The following MEF2A variants were observed in gnomAD, a reference collection of about 807,000 sequenced individuals.
MEF2A encodes myocyte-specific enhancer factor 2A.
MEF2A carries 28 observed loss-of-function variants against 55.8 expected under a neutral mutation model. The observed-to-expected ratio is 0.50, with a 90% confidence interval of 0.37 to 0.69. The LOEUF is 0.69. Among genes scored for constraint, MEF2A ranks in the 30% least tolerant of loss-of-function variants. MEF2A has a pLI of 0.00. For synonymous variants in MEF2A, 239 were observed against 227.1 expected (o/e 1.05, Z -0.47); for missense variants, 528 against 626.2 (o/e 0.84, Z 1.67).
chr15:99,651,794 C>T (rs1202925999), intron 4 of MEF2A, among the ~76,000 whole-genome samples: 1 of 152,188 alleles, frequency 6.6e-6, no homozygotes, highest in Non-Finnish European at 1.5e-5. Flanking sequence ...CTACACGTCT[C>T]TAAGTGTGGT....
intron 8 of MEF2A, among the ~76,000 whole-genome samples, chr15:99,695,541 T>TGTG (rs1555498137): frequency 6.9e-6 from 1 of 144,778 alleles, no homozygotes; most frequent in Non-Finnish European, 1.5e-5. Flanking sequence ...ATTGTCAGAT[T>TGTG]TGTGTGTGTG....
chr15:99,634,476 G>T (rs2043430215), intron 3 of MEF2A, among the ~76,000 whole-genome samples: 1 of 152,032 alleles, frequency 6.6e-6, no homozygotes, highest in South Asian at 2.1e-4. Flanking sequence ...GGAGGCATAG[G>T]GACCTGCTTC....
At position 99,644,141 on chromosome 15, in the gene MEF2A, T is replaced by C. The variant is rs145961097; in HGVS notation, c.55-1420T>C. Among the ~76,000 whole-genome samples, 805 of 152,304 alleles carry C rather than the reference T, an allele frequency of 5.3e-3. 2 individuals carry two copies. The highest frequency in any genetic ancestry group is 7.2e-3 in the Non-Finnish European group (492 of 68,022). ...TATTGTGCTTTGTGCACTTGACAAA[T>C]ACAGAGAAAACATAAGGTTTTGAGA... On this transcript the variant is annotated intron_variant, in intron 3 of 11. Transcript: ENST00000557942.
chr15:99,636,512 A>G (rs916304327), intron 3 of MEF2A, among the ~76,000 whole-genome samples: 12 of 152,070 alleles, frequency 7.9e-5, no homozygotes, highest in Non-Finnish European at 1.8e-4. Context: ...GGGCCGACCC[A>G]TTCTTTTATT....
chr15:99,615,894 A>G (rs1369320602), intron 2 of MEF2A, among the ~76,000 whole-genome samples: 1 of 152,222 alleles, frequency 6.6e-6, no homozygotes, highest in East Asian at 1.9e-4. Context: ...TTTAAAAATG[A>G]AGAAACTGTG....
At chr15:99,578,126 C>G (rs937719166) in intron 1 of MEF2A, among the ~76,000 whole-genome samples, 2 of 152,220 alleles carry the variant, frequency 1.3e-5, no homozygotes, top group East Asian at 1.9e-4. Context: ...CCATTCACTT[C>G]AGCATTCATT....
At chr15:99,710,791 T>G (rs2058558662) in intron 11 of MEF2A, 31 bp downstream of exon 11, 1 of 1,587,108 alleles carries the variant, frequency 6.3e-7, no homozygotes, top group South Asian at 1.1e-5. Flanking sequence ...CCTGCATCTT[T>G]ACTCCTGGCC....
Position 99,674,249 on chromosome 15 carries a change from G to A in MEF2A, c.391-144G>A, listed in dbSNP as rs2051455315. The A allele has an allele frequency of 1.2e-5, 8 of 649,238 alleles. No individual in the cohort carries two copies. The South Asian group carries it at 1.7e-4, about 14-fold the overall frequency. The allele number at this position is 649,238 out of a possible 1,614,324, so 40.2% of individuals were successfully genotyped here. ...TTCAAACATAATTCTAAAGAAAATA[G>A]CTTTAATCTGTAAATTGGTTAAGAA... On this transcript the variant is annotated intron_variant, in intron 5 of 11. Coordinates refer to ENST00000557942, the MANE Select transcript of MEF2A (RefSeq NM_001319206.4).
chr15:99,669,271 C>T (rs960575370), intron 4 of MEF2A, among the ~76,000 whole-genome samples: 12 of 152,270 alleles, frequency 7.9e-5, no homozygotes, highest in Non-Finnish European at 1.8e-4. Flanking sequence ...GGGGAAATAT[C>T]AGAGATTTAG....
chr15:99,699,927 G>A (rs2057120242), intron 8 of MEF2A, among the ~76,000 whole-genome samples: 3 of 150,644 alleles, frequency 2.0e-5, no homozygotes, highest in Non-Finnish European at 3.0e-5. Context: ...CAGGGTTATA[G>A]TTGAAGGATT....
At chr15:99,579,771 G>A (rs944606550) in intron 1 of MEF2A, among the ~76,000 whole-genome samples, 25 of 152,128 alleles carry the variant, frequency 1.6e-4, no homozygotes, top group African/African-American at 5.3e-4. Flanking sequence ...GTATAGAGTA[G>A]TCCTGTTACT....
chr15:99,603,117 G>T (rs1246144363), intron 2 of MEF2A, among the ~76,000 whole-genome samples: 1 of 151,712 alleles, frequency 6.6e-6, no homozygotes, highest in Non-Finnish European at 1.5e-5. Flanking sequence ...ATTTTCCTTT[G>T]TTTGCATCCT....
intron 8 of MEF2A, among the ~76,000 whole-genome samples, chr15:99,694,024 G>A (rs913357511): frequency 6.6e-6 from 1 of 151,978 alleles, no homozygotes; most frequent in Non-Finnish European, 1.5e-5. Flanking sequence ...ACTGAAATTC[G>A]CAATTTATTC....
chr15:99,678,772 C>T (rs1275140446), intron 7 of MEF2A: 2 of 801,504 alleles, frequency 2.5e-6, no homozygotes, highest in South Asian at 5.7e-5. Context: ...GATTGATTTG[C>T]TTGTGTGAAA....
At chr15:99,631,554 A>G (rs931229508) in intron 2 of MEF2A, among the ~76,000 whole-genome samples, 4 of 152,200 alleles carry the variant, frequency 2.6e-5, no homozygotes, top group Admixed American at 2.0e-4. Flanking sequence ...TGAACTTTCT[A>G]GTTTGGAATT....
At chr15:99,704,723 G>A (rs1402880142) in intron 9 of MEF2A, among the ~76,000 whole-genome samples, 1 of 152,198 alleles carries the variant, frequency 6.6e-6, no homozygotes, top group East Asian at 1.9e-4. Context: ...GCCAAACTAT[G>A]TCATACTGTA....
intron 4 of MEF2A, among the ~76,000 whole-genome samples, chr15:99,659,138 G>A (rs374304790): frequency 5.3e-5 from 8 of 152,262 alleles, no homozygotes; most frequent in African/African-American, 1.9e-4. Flanking sequence ...CTGAGAATCA[G>A]CTCTATCTTA....
At chr15:99,639,669 A>G (rs1465853645) in intron 3 of MEF2A, among the ~76,000 whole-genome samples, 1 of 152,202 alleles carries the variant, frequency 6.6e-6, no homozygotes, top group Non-Finnish European at 1.5e-5. Context: ...TGATTGTACT[A>G]GCTACACTGC....
At chr15:99,569,878 CT>C (rs1961361683) in intron 1 of MEF2A, among the ~76,000 whole-genome samples, 1 of 151,538 alleles carries the variant, frequency 6.6e-6, no homozygotes, top group Admixed American at 6.6e-5. Flanking sequence ...ATCTGTGTGC[CT>C]TATAATAAAT....
Sources: gnomAD v4.1 joint callset for allele counts (sites outside exome capture counted in the v4.1 genomes callset) on GRCh38, gnomAD v4.1.1 for gene constraint, MANE v1.5 for transcripts, NCBI Gene and HGNC (gene_info 2026-07-23, HGNC 2026-07-21) for gene names.